The following ITGA2 variants were observed in gnomAD, a reference collection of about 807,000 sequenced individuals.
ITGA2 encodes the protein integrin subunit alpha 2, also known as integrin alpha-2.
A neutral mutation model predicts 146.3 loss-of-function variants in ITGA2; 101 were observed. The ratio of observed to expected loss-of-function variants is 0.69; its 90% confidence interval spans 0.59 to 0.81. ITGA2 has a LOEUF of 0.81. Ranked by LOEUF, ITGA2 falls within the 40% of genes least tolerant of loss-of-function variation. The pLI is 0.00. For missense variants in ITGA2, 1,281 were observed against 1,402.7 expected (o/e 0.91, Z 1.39); for synonymous variants, 477 against 487.1 (o/e 0.98, Z 0.27).
Position 53,060,884 on chromosome 5 carries a change from T to G in ITGA2, c.1313-17T>G. ...AGATAGTCAATGTTAATCACTCTGTTGCTCCTTCCCTTTTAGGTTACTCTG... is the reference window on the plus strand; with the variant it reads ...AGATAGTCAATGTTAATCACTCTGTGGCTCCTTCCCTTTTAGGTTACTCTG... On this transcript the variant is annotated splice_polypyrimidine_tract_variant and intron_variant, in intron 11 of 29. Coordinates refer to ENST00000296585, the MANE Select transcript of ITGA2 (RefSeq NM_002203.4). The G allele has an allele frequency of 6.2e-7, 1 of 1,611,238 alleles. No individual in the cohort carries two copies. Among genetic ancestry groups the G allele is most frequent in the African/African-American group, 1.3e-5 (1 of 74,878 alleles).
chr5:53,007,681 C>G (rs971616800), intron 1 of ITGA2, among the ~76,000 whole-genome samples: 2 of 152,072 alleles, frequency 1.3e-5, no homozygotes, highest in Non-Finnish European at 2.9e-5. Flanking sequence ...GGCAAGTCTA[C>G]CAGATGGTGG....
At chr5:53,023,487 T>C (rs925236414) in intron 1 of ITGA2, among the ~76,000 whole-genome samples, 1 of 152,226 alleles carries the variant, frequency 6.6e-6, no homozygotes, top group African/African-American at 2.4e-5. Flanking sequence ...TTAACACTTA[T>C]ACATTTTGAT....
intron 1 of ITGA2, among the ~76,000 whole-genome samples, chr5:53,002,351 G>A (rs1741624484): frequency 6.6e-6 from 1 of 151,740 alleles, no homozygotes; most frequent in African/African-American, 2.4e-5. Context: ...TCTTTATAAA[G>A]TTGAATATTT....
chr5:53,079,961 G>A (rs1745838788), intron 24 of ITGA2, among the ~76,000 whole-genome samples: 1 of 152,076 alleles, frequency 6.6e-6, no homozygotes, highest in Admixed American at 6.6e-5. Context: ...AACAGATGCT[G>A]TACCAGTGCC....
chr5:52,999,260 G>C (rs529309510), intron 1 of ITGA2, among the ~76,000 whole-genome samples: 2 of 151,990 alleles, frequency 1.3e-5, no homozygotes, highest in East Asian at 3.9e-4. Flanking sequence ...CTCATAGTAA[G>C]CACTCAGAAA....
chr5:53,046,766 G>A (rs1252513968), intron 4 of ITGA2, among the ~76,000 whole-genome samples: 7 of 152,106 alleles, frequency 4.6e-5, no homozygotes, highest in Middle Eastern at 6.8e-3. Context: ...AAAATCATAA[G>A]ATACTCTTAA....
At chr5:53,029,237 A>G (rs2111827848) in intron 2 of ITGA2, among the ~76,000 whole-genome samples, 1 of 152,272 alleles carries the variant, frequency 6.6e-6, no homozygotes, top group East Asian at 1.9e-4. Context: ...AAGCCACTGC[A>G]CTCTAGCTTG....
chr5:53,089,636 G>T (rs1485694285), intron 28 of ITGA2, among the ~76,000 whole-genome samples: 1 of 152,174 alleles, frequency 6.6e-6, no homozygotes, highest in East Asian at 1.9e-4. Context: ...TTGAATGTAT[G>T]CCAGAAATGG....
Position 53,059,908 on chromosome 5 carries a change from G to C in ITGA2, c.1208G>C (p.Gly403Ala). The change falls in exon 11 of 30, where the codon GGC becomes GCC. Residue 403 changes from glycine to alanine, a missense_variant. This residue lies in a region of ITGA2 where 795 missense variants were observed against 841.7 expected (regional missense o/e 0.94). Coordinates refer to ENST00000296585, the MANE Select transcript of ITGA2 (RefSeq NM_002203.4). ...ATGCTGGGTGCAGTGGGAGCTTTTG[G>C]CTGGAGTGGGACCATTGTCCAGAAG... ...ILMLGAVGAFGWSGTIVQKTS... is the reference protein window; with the variant it reads ...ILMLGAVGAFAWSGTIVQKTS... The C allele has an allele frequency of 1.9e-6, 3 of 1,612,212 alleles. No individual in the cohort carries two copies. Among genetic ancestry groups the C allele is most frequent in the Non-Finnish European group, 2.5e-6 (3 of 1,178,924 alleles).
chr5:53,064,121 G>T (rs1224868029), intron 13 of ITGA2, among the ~76,000 whole-genome samples: 3 of 151,824 alleles, frequency 2.0e-5, no homozygotes, highest in Admixed American at 1.3e-4. Context: ...TAATAATGGA[G>T]ATATTAACAA....
chr5:53,071,166 T>C (rs1176443113), intron 17 of ITGA2, among the ~76,000 whole-genome samples: 2 of 151,618 alleles, frequency 1.3e-5, no homozygotes, highest in Non-Finnish European at 2.9e-5. Flanking sequence ...ATCAGTTGAG[T>C]TGTTTAGTTC....
chr5:53,083,494 G>A, intron 27 of ITGA2, 41 bp downstream of exon 27: 1 of 1,211,934 alleles, frequency 8.3e-7, no homozygotes, highest in Non-Finnish European at 1.2e-6. Flanking sequence ...CAATAGCAAG[G>A]AAACATAAGT....
At chr5:53,046,910 T>C (rs1465452470) in intron 4 of ITGA2, among the ~76,000 whole-genome samples, 3 of 152,120 alleles carry the variant, frequency 2.0e-5, no homozygotes, top group Non-Finnish European at 4.4e-5. Context: ...TGTTTTCCAT[T>C]GCTTTTAAAA....
chr5:53,079,637 T>C (rs950213238), intron 24 of ITGA2, among the ~76,000 whole-genome samples: 2 of 152,232 alleles, frequency 1.3e-5, no homozygotes, highest in Admixed American at 1.3e-4. Context: ...AACTCTGCAA[T>C]TTTGTGATAA....
chr5:52,989,550 T>C lies in ITGA2; in HGVS notation c.64+18T>C, dbSNP rs1458078848. ...CAGTCAAGGTAAGCGGGGATTTCGC[T>C]CTGCATCGGCTGCAGGAGGGACCCG... On this transcript the variant is annotated intron_variant, in intron 1 of 29. Coordinates refer to ENST00000296585, the MANE Select transcript of ITGA2 (RefSeq NM_002203.4). The C allele has an allele frequency of 1.2e-6, 2 of 1,613,630 alleles. No individual in the cohort carries two copies. Among genetic ancestry groups the C allele is most frequent in the Admixed American group, 3.3e-5 (2 of 59,976 alleles).
intron 1 of ITGA2, among the ~76,000 whole-genome samples, chr5:52,989,845 C>T (rs1002936988): frequency 6.9e-6 from 1 of 144,564 alleles, no homozygotes; most frequent in Non-Finnish European, 1.5e-5. Context: ...CAGACAGACA[C>T]GCACGCACTC....
In ITGA2 at chr5:53,051,528, A is replaced by G; in HGVS notation, c.748A>G (p.Thr250Ala). Residue 250 changes from threonine (T) to alanine (A), a missense_variant, in exon 7 of 30, where the codon ACA becomes GCA. Thr to Ala is a moderately conservative substitution (Grantham distance 58). Around this residue, in one of 3 missense-constraint regions of ITGA2, gnomAD observed 795 missense variants for 841.7 expected, o/e 0.94. Transcript: ENST00000296585. ...GACATCCCAATATGGTGGGGACCTC[A>G]CAAACACATTCGGAGCAATTCAATA... ...SQTSQYGGDLTNTFGAIQYAR... is the reference protein window; with the variant it reads ...SQTSQYGGDLANTFGAIQYAR... 6.2e-7 allele frequency: 1 copy of G among 1,613,712 alleles called. No individual in the cohort carries two copies. Among genetic ancestry groups the G allele is most frequent in the East Asian group, 2.2e-5 (1 of 44,802 alleles).
intron 1 of ITGA2, among the ~76,000 whole-genome samples, chr5:53,004,423 T>A (rs972163554): frequency 6.6e-6 from 1 of 151,792 alleles, no homozygotes; most frequent in Non-Finnish European, 1.5e-5. Context: ...GAATATTATT[T>A]AAAAAAAAAT....
intron 1 of ITGA2, among the ~76,000 whole-genome samples, chr5:53,021,381 T>G (rs1205155860): frequency 6.6e-6 from 1 of 152,206 alleles, no homozygotes; most frequent in Admixed American, 6.5e-5. Flanking sequence ...ACAAAATTTT[T>G]ATTAGCAAAA....
Sources: allele counts gnomAD v4.1 joint callset (sites outside exome capture counted in the v4.1 genomes callset), GRCh38; gene constraint gnomAD v4.1.1; regional missense constraint gnomAD v4.1.1; transcripts MANE v1.5; gene names NCBI Gene and HGNC (gene_info 2026-07-23, HGNC 2026-07-21).